METTL16: variants seen among roughly 807,000 people sequenced by gnomAD.
METTL16 encodes the protein methyltransferase 16, RNA N6-adenosine.
Under a neutral mutation model 57.9 loss-of-function variants are expected in METTL16, and 19 were observed. The ratio of observed to expected loss-of-function variants is 0.33; its 90% CI spans 0.23 to 0.48. The LOEUF is 0.48. METTL16 is among the 20% of genes least tolerant of loss of function. The probability of loss-of-function intolerance (pLI) is 0.99; values close to 1 mark genes in which losing one functional copy is unlikely to be tolerated. For missense variants in METTL16, 434 were observed against 691.5 expected (o/e 0.63, Z 4.18); for synonymous variants, 246 against 255.6 (o/e 0.96, Z 0.36).
At chr17:2,468,001 A>G (rs2067213920) in intron 4 of METTL16, 125 bp from the exon 5 acceptor site, 1 of 662,376 alleles carries the variant, frequency 1.5e-6, no homozygotes, top group East Asian at 2.8e-5. Flanking sequence ...AGATTATAAC[A>G]CCACATTTTT....
At chr17:2,438,792 C>A (rs962432887) in intron 7 of METTL16, among the ~76,000 whole-genome samples, 1 of 152,226 alleles carries the variant, frequency 6.6e-6, no homozygotes, top group African/African-American at 2.4e-5. Flanking sequence ...CCACACCCAG[C>A]CTCAAGTGAT....
At chr17:2,509,633 T>C (rs1463306426) in intron 1 of METTL16, among the ~76,000 whole-genome samples, 1 of 152,206 alleles carries the variant, frequency 6.6e-6, no homozygotes, top group Non-Finnish European at 1.5e-5. Context: ...CTCACGACTA[T>C]AATCCCAACA....
chr17:2,425,781 G>A (rs748038905), intron 8 of METTL16, among the ~76,000 whole-genome samples: 7 of 151,768 alleles, frequency 4.6e-5, no homozygotes, highest in Non-Finnish European at 8.8e-5. Context: ...CCACCTCCTA[G>A]GCTCAAGTGA....
rs1236246004 is a variant in METTL16 at position 2,447,334 on chromosome 17, C to T, written c.729-5775G>A. Among the ~76,000 whole-genome samples the T allele has an allele frequency of 1.5e-3, 216 of 140,160 alleles. 1 individual carries two copies. Among genetic ancestry groups the T allele is most frequent in the African/African-American group, 6.5e-3 (206 of 31,876 alleles). The allele number at this position is 140,160 out of a possible 152,430, so 92.0% of individuals were successfully genotyped here. The stretch of plus-strand genomic sequence containing the variant: ...GCCCCGTCTGAGAAGTGAGGAAACC[C>T]TCTGCCTGGCAACCGCCCCGTCTGA... On this transcript the variant is annotated intron_variant, in intron 6 of 9. Transcript: ENST00000263092.
At chr17:2,428,543 AAAAAAAAAAAAAAAAAAAAAAATATAT>A (rs2151543450) in intron 8 of METTL16, among the ~76,000 whole-genome samples, 1 of 57,056 alleles carries the variant, frequency 1.8e-5, no homozygotes, top group East Asian at 5.6e-4. Flanking sequence ...AAAAAAAAAA[AAAAAAAAAAAAAAAAAAAAAAATATAT>A]ATATATATAT....
At chr17:2,481,374 C>T (rs114181762) in intron 2 of METTL16, among the ~76,000 whole-genome samples, 2,310 of 152,050 alleles carry the variant, frequency 0.015, 63 homozygotes, top group African/African-American at 0.052. Flanking sequence ...ACCCCCTTAA[C>T]GAAGTGACCA....
intron 8 of METTL16, among the ~76,000 whole-genome samples, chr17:2,425,171 A>G (rs1392160962): frequency 6.6e-6 from 1 of 152,248 alleles, no homozygotes; most frequent in Admixed American, 6.5e-5. Flanking sequence ...GGCAATTTTT[A>G]CATTTTGCTG....
chr17:2,485,896 G>A (rs1231842300), intron 2 of METTL16, among the ~76,000 whole-genome samples: 1 of 152,124 alleles, frequency 6.6e-6, no homozygotes, highest in Non-Finnish European at 1.5e-5. Context: ...CCTAATTAGT[G>A]GATCTGCCTT....
intron 2 of METTL16, among the ~76,000 whole-genome samples, chr17:2,486,239 A>T (rs1039288998): frequency 1.2e-3 from 22 of 18,120 alleles, no homozygotes; most frequent in Non-Finnish European, 2.4e-3. Context: ...TCTGAAAGTG[A>T]AAGAAAAACT....
At chr17:2,437,353 C>G (rs971196597) in intron 8 of METTL16, among the ~76,000 whole-genome samples, 1 of 152,098 alleles carries the variant, frequency 6.6e-6, no homozygotes, top group African/African-American at 2.4e-5. Context: ...ACATCAAAAG[C>G]CTGCAATCCA....
intron 2 of METTL16, among the ~76,000 whole-genome samples, chr17:2,484,443 C>G (rs1211036350): frequency 6.6e-6 from 1 of 151,910 alleles, no homozygotes; most frequent in Non-Finnish European, 1.5e-5. Context: ...CTTTTAGTAG[C>G]ACTATGCCAG....
At chr17:2,424,213 A>C (rs1399922637) in intron 8 of METTL16, 1 of 149,452 alleles carries the variant, frequency 6.7e-6, no homozygotes, top group East Asian at 2.0e-4. Context: ...TCCCGGGTTC[A>C]CGCCATTCTC....
At chr17:2,491,131 A>G (rs1319123969) in intron 2 of METTL16, among the ~76,000 whole-genome samples, 2 of 152,194 alleles carry the variant, frequency 1.3e-5, no homozygotes, top group African/African-American at 4.8e-5. Context: ...CATTCAAAAA[A>G]CCTGAACACA....
At chr17:2,468,667 G>A (rs774542027) in intron 4 of METTL16, among the ~76,000 whole-genome samples, 1 of 152,140 alleles carries the variant, frequency 6.6e-6, no homozygotes, top group African/African-American at 2.4e-5. Context: ...AACTGCTTGA[G>A]ACCAAGAGTT....
At chr17:2,469,773 G>A (rs1000586846) in intron 4 of METTL16, among the ~76,000 whole-genome samples, 7 of 152,026 alleles carry the variant, frequency 4.6e-5, no homozygotes, top group Non-Finnish European at 8.8e-5. Flanking sequence ...AATCTGCTTC[G>A]GCCTCCCAAA....
intron 1 of METTL16, among the ~76,000 whole-genome samples, chr17:2,508,845 C>T (rs2067566699): frequency 6.6e-6 from 1 of 152,130 alleles, no homozygotes; most frequent in Admixed American, 6.6e-5. Flanking sequence ...TCTGTCCCTC[C>T]AACTTCATTT....
chr17:2,492,613 C>T lies in METTL16; in HGVS notation c.128+9591G>A, dbSNP rs187644783. 2.0e-5 allele frequency among the ~76,000 whole-genome samples: 3 copies of T among 152,044 alleles called. No individual in the cohort carries two copies. In the East Asian group the frequency reaches 5.8e-4, roughly 29 times the overall value. The stretch of plus-strand genomic sequence containing the variant: ...TTACATAAAATCTCACAGCTAAGGC[C>T]GGCCACAGTGGCTCACACCTGTAAT... On this transcript the variant is annotated intron_variant, in intron 2 of 9. Transcript: ENST00000263092.
chr17:2,480,031 A>G (rs1170563091), intron 2 of METTL16, among the ~76,000 whole-genome samples: 1 of 151,968 alleles, frequency 6.6e-6, no homozygotes, highest in South Asian at 2.1e-4. Flanking sequence ...TACTAAAAAT[A>G]CAAAATCAGC....
chr17:2,486,898 C>T (rs772658113), intron 2 of METTL16, among the ~76,000 whole-genome samples: 8 of 141,158 alleles, frequency 5.7e-5, no homozygotes, highest in African/African-American at 1.8e-4. Context: ...GAGTAGGGCG[C>T]GGTACTGAGG....
Sources: allele counts gnomAD v4.1 joint callset (sites outside exome capture counted in the v4.1 genomes callset), GRCh38; gene constraint gnomAD v4.1.1; transcripts MANE v1.5; gene names NCBI Gene and HGNC (gene_info 2026-07-23, HGNC 2026-07-21).